Variants in RIMS1 observed in about 807,000 individuals in gnomAD.
RIMS1 encodes the protein regulating synaptic membrane exocytosis protein 1.
A neutral mutation model predicts 214.1 loss-of-function variants in RIMS1; 83 were observed. The observed-to-expected ratio is 0.39, with a 90% CI of 0.32 to 0.47. RIMS1 has a LOEUF of 0.47. Ranked by LOEUF, RIMS1 falls within the 20% of genes least tolerant of loss-of-function variation. RIMS1 has a pLI of 0.99. For missense variants in RIMS1, 2,050 were observed against 2,161.8 expected, an observed-to-expected ratio of 0.95 and a Z score of 1.03; for synonymous variants, 793 against 786.8, an observed-to-expected ratio of 1.01 and a Z score of -0.13.
intron 2 of RIMS1, among the ~76,000 whole-genome samples, chr6:71,997,141 G>C (rs1803701090): frequency 6.6e-6 from 1 of 152,004 alleles, no homozygotes; most frequent in African/African-American, 2.4e-5. Flanking sequence ...TTTGAAGAAA[G>C]GCAAAGTTCA....
intron 31 of RIMS1, among the ~76,000 whole-genome samples, chr6:72,397,630 A>G (rs2098793895): frequency 6.6e-6 from 1 of 152,252 alleles, no homozygotes; most frequent in Non-Finnish European, 1.5e-5. Context: ...AAGAATTCTT[A>G]TAAAACTGTT....
rs899472436 is a variant in RIMS1, at chr6:72,101,380, A to G, written c.471+1394A>G. 3.9e-5 allele frequency among the ~76,000 whole-genome samples: 6 copies of G among 152,112 alleles called. No homozygotes were observed. In the South Asian group the frequency reaches 1.2e-3, roughly 32 times the overall value. ...TCACTTTATTTTTAAGTACTCTGTC[A>G]TAATTTCTTTAAACACCATTTTAGC... On this transcript the variant is annotated intron_variant, in intron 4 of 33. Coordinates refer to ENST00000521978, the MANE Select transcript of RIMS1 (RefSeq NM_014989.7).
At chr6:72,160,169 T>C (rs2045138860) in intron 4 of RIMS1, among the ~76,000 whole-genome samples, 1 of 137,160 alleles carries the variant, frequency 7.3e-6, no homozygotes, top group Non-Finnish European at 1.6e-5. Flanking sequence ...AGTTCACTCA[T>C]GATTTGGCTC....
At chr6:72,122,770 G>A (rs1587563825) in intron 4 of RIMS1, among the ~76,000 whole-genome samples, 1 of 151,852 alleles carries the variant, frequency 6.6e-6, no homozygotes, top group African/African-American at 2.4e-5. Context: ...GTGCAGAGGT[G>A]TTTATAGTAT....
intron 4 of RIMS1, among the ~76,000 whole-genome samples, chr6:72,171,077 T>C (rs889553917): frequency 6.6e-6 from 1 of 152,026 alleles, no homozygotes; most frequent in African/African-American, 2.4e-5. Context: ...GGACTATATA[T>C]TCTACCTCCA....
chr6:72,325,552 C>G (rs1022442846), intron 28 of RIMS1, among the ~76,000 whole-genome samples: 37 of 151,280 alleles, frequency 2.4e-4, no homozygotes, highest in Non-Finnish European at 4.0e-4. Context: ...GTACTAGCAA[C>G]AAACAAACCT....
At chr6:72,217,039 A>T in intron 6 of RIMS1, 1 of 1,443,904 alleles carries the variant, frequency 6.9e-7, no homozygotes. Context: ...TTTGGCTTTG[A>T]TTTAGAATGC....
chr6:72,316,618 A>C, intron 28 of RIMS1: 1 of 464,010 alleles, frequency 2.2e-6, no homozygotes, highest in Middle Eastern at 4.3e-4. Flanking sequence ...CCAAGAGAGC[A>C]ACCAGCCTGG....
intron 6 of RIMS1, among the ~76,000 whole-genome samples, chr6:72,196,561 G>A (rs954050843): frequency 7.0e-5 from 9 of 127,712 alleles, no homozygotes; most frequent in African/African-American, 2.6e-4. Flanking sequence ...TAAAAGTACT[G>A]TGCTGGCAGC....
chr6:72,020,752 A>G (rs965174508), intron 2 of RIMS1, among the ~76,000 whole-genome samples: 1 of 152,204 alleles, frequency 6.6e-6, no homozygotes, highest in African/African-American at 2.4e-5. Context: ...GGAACTCGCA[A>G]AGAGTACTTT....
intron 1 of RIMS1, among the ~76,000 whole-genome samples, chr6:71,921,674 TA>T (rs1171154119): frequency 1.3e-4 from 20 of 152,356 alleles, no homozygotes; most frequent in African/African-American, 4.8e-4. Context: ...GCTTTTTTCA[TA>T]AGTAGTGAAT....
chr6:72,329,220 A>G (rs1007188772), intron 28 of RIMS1, among the ~76,000 whole-genome samples: 1 of 151,794 alleles, frequency 6.6e-6, no homozygotes, highest in African/African-American at 2.4e-5. Flanking sequence ...AGTTCATTTA[A>G]GTGTCTTTGG....
chr6:72,316,889 G>C (rs2095832737), intron 28 of RIMS1: 1 of 974,014 alleles, frequency 1.0e-6, no homozygotes. Flanking sequence ...GGGAGGCCCT[G>C]TGTCCCCCAC....
At chr6:72,099,801 A>G (rs2033073893) in intron 3 of RIMS1, among the ~76,000 whole-genome samples, 174 bp from the exon 4 acceptor site, 1 of 152,136 alleles carries the variant, frequency 6.6e-6, no homozygotes, top group African/African-American at 2.4e-5. Flanking sequence ...GGATTGAACA[A>G]TTACTATTTT....
At chr6:72,333,317 C>T (rs1283662267) in intron 28 of RIMS1, among the ~76,000 whole-genome samples, 2 of 151,866 alleles carry the variant, frequency 1.3e-5, no homozygotes, top group Non-Finnish European at 2.9e-5. Flanking sequence ...CAGTAACATT[C>T]ATCTCCCCAT....
In RIMS1 at chr6:72,398,982, A is replaced by C. The variant is rs1471324782; in HGVS notation, c.4748A>C (p.Glu1583Ala). 2 of 1,603,244 alleles carry C rather than the reference A, an allele frequency of 1.2e-6. No homozygotes were observed. The highest frequency in any genetic ancestry group is 1.7e-6 in the Non-Finnish European group (2 of 1,171,282). ...CCATATGTCAAAGTATATCTTTTGG[A>C]AAATGGGGCCTGTATAGCCAAGAAG... Reference protein sequence around the residue: ...PAPYVKVYLLENGACIAKKKT... With the variant: ...PAPYVKVYLLANGACIAKKKT... Residue 1583 changes from glutamate to alanine, a missense_variant, in exon 33 of 34, where the codon GAA becomes GCA. Glu to Ala is a moderately radical substitution (Grantham distance 107, BLOSUM62 -1). This residue lies in a region of RIMS1 where 121 missense variants were observed against 187.3 expected (regional missense o/e 0.65). Transcript: ENST00000521978.
intron 26 of RIMS1, among the ~76,000 whole-genome samples, chr6:72,306,684 A>G (rs1056951685): frequency 6.6e-6 from 1 of 152,336 alleles, no homozygotes; most frequent in Middle Eastern, 3.4e-3. Flanking sequence ...ATAGTGAGCT[A>G]ATCTTTTAGT....
intron 2 of RIMS1, among the ~76,000 whole-genome samples, chr6:72,033,739 C>T (rs746708317): frequency 1.1e-4 from 17 of 152,136 alleles, no homozygotes; most frequent in Non-Finnish European, 2.1e-4. Flanking sequence ...GCCTCAGCCT[C>T]CCAAAGTGCT....
Position 72,242,296 on chromosome 6 carries a change from C to A in RIMS1, c.1958-18C>A. ...AGAATATATAAGGTAAAAAAATACC[C>A]TTTTTTTTAAATTCAAGGGGATGAA... On this transcript the variant is annotated intron_variant, in intron 9 of 33. Transcript: ENST00000521978. The A allele has an allele frequency of 6.6e-7, 1 of 1,522,382 alleles. No individual in the cohort carries two copies. Among genetic ancestry groups the A allele is most frequent in the South Asian group, 1.2e-5 (1 of 80,672 alleles). 94.3% of individuals were successfully genotyped at this position (1,522,382 alleles called of 1,614,324 possible).
Sources: gnomAD v4.1 joint callset for allele counts (sites outside exome capture counted in the v4.1 genomes callset) on GRCh38, gnomAD v4.1.1 for gene constraint, gnomAD v4.1.1 regional missense constraint, MANE v1.5 for transcripts, NCBI Gene and HGNC (gene_info 2026-07-23, HGNC 2026-07-21) for gene names.